SLFN5: variants seen among roughly 807,000 people sequenced by gnomAD.
SLFN5 encodes schlafen family member 5.
A neutral mutation model predicts 48.5 loss-of-function variants in SLFN5; 34 were observed. That is an observed-to-expected ratio of 0.70 (90% CI 0.53 to 0.93). The LOEUF is 0.93. Ranked by LOEUF, SLFN5 falls within the 40% of genes least tolerant of loss-of-function variation. The pLI, the probability that SLFN5 is intolerant of heterozygous loss-of-function variation, is 0.00. For synonymous variants in SLFN5, 387 were observed against 396.2 expected, an observed-to-expected ratio of 0.98 and a Z score of 0.28; for missense variants, 1,006 against 1,071.3, an observed-to-expected ratio of 0.94 and a Z score of 0.85.
chr17:35,272,389 A>T lies in SLFN5; in HGVS notation c.*6501A>T, dbSNP rs767055178. The T allele has an allele frequency of 5.3e-5, 8 of 152,202 alleles. No individual in the cohort carries two copies. The highest frequency in any genetic ancestry group is 7.2e-5 in the African/African-American group (3 of 41,452). The allele number at this position is 152,202 out of a possible 1,614,324, so 9.4% of individuals were successfully genotyped here. A position where few individuals can be genotyped will look rare whatever the true frequency, so the allele number is the denominator to read the frequency against. On this transcript the variant is annotated 3_prime_UTR_variant, in exon 5 of 5. Coordinates refer to ENST00000299977, the MANE Select transcript of SLFN5 (RefSeq NM_144975.4). ...GGGCCATATGCCAGACTAGATACCA[A>T]AATAAATTCCAGGAGGACCAAGTTT...
rs58644233 is a variant in SLFN5, at chr17:35,266,142, A to ATGTGTGTGTGTGTG, written c.*277_*290dup. The ATGTGTGTGTGTGTG allele has an allele frequency of 5.8e-5, 14 of 240,402 alleles. No homozygotes were observed. Among genetic ancestry groups the ATGTGTGTGTGTGTG allele is most frequent in the Admixed American group, 1.0e-4 (2 of 19,126 alleles). 14.9% of individuals were successfully genotyped at this position (240,402 alleles called of 1,614,324 possible). A position where few individuals can be genotyped will look rare whatever the true frequency, so the allele number is the denominator to read the frequency against. ...AATTAGAGGACCGTGAGACTCAGAG[A>ATGTGTGTGTGTGTG]TGTGTGTGTGTGTGTGTGTGTGTGT... On this transcript the variant is annotated 3_prime_UTR_variant, in exon 5 of 5. Transcript: ENST00000299977.
At position 35,273,212 on chromosome 17, in the gene SLFN5, CT is replaced by C. The variant is rs1282147675; in HGVS notation, c.*7325del. On this transcript the variant is annotated 3_prime_UTR_variant, in exon 5 of 5. Coordinates refer to ENST00000299977, the MANE Select transcript of SLFN5 (RefSeq NM_144975.4). ...GAACAAAACAACATGCTGAAAATGT[CT>C]CTTATTCTTTTAGAATCAATATAAG... 3 of 152,122 alleles carry C rather than the reference CT, an allele frequency of 2.0e-5. No homozygotes were observed. The highest frequency in any genetic ancestry group is 7.2e-5 in the African/African-American group (3 of 41,424). 9.4% of individuals were successfully genotyped at this position (152,122 alleles called of 1,614,324 possible). A position where few individuals can be genotyped will look rare whatever the true frequency, so the allele number is the denominator to read the frequency against.
rs770236684 is a variant in SLFN5, at chr17:35,271,842, C to T, written c.*5954C>T. 6.6e-6 allele frequency: 1 copy of T among 152,150 alleles called. No individual in the cohort carries two copies. Among genetic ancestry groups the T allele is most frequent in the Non-Finnish European group, 1.5e-5 (1 of 68,056 alleles). 9.4% of individuals were successfully genotyped at this position (152,150 alleles called of 1,614,324 possible). A position where few individuals can be genotyped will look rare whatever the true frequency, so the allele number is the denominator to read the frequency against. ...TCCAGGAGTTCCAGACCAGCCTGGACAACATGGTGAAATCCCGTCTCTATT... is the reference window on the plus strand; with the variant it reads ...TCCAGGAGTTCCAGACCAGCCTGGATAACATGGTGAAATCCCGTCTCTATT... On this transcript the variant is annotated 3_prime_UTR_variant, in exon 5 of 5. Transcript: ENST00000299977.
intron 1 of SLFN5, among the ~76,000 whole-genome samples, chr17:35,251,663 C>T (rs2092442740): frequency 6.6e-6 from 1 of 150,452 alleles, no homozygotes; most frequent in Non-Finnish European, 1.5e-5. Flanking sequence ...CTCGGCCTCC[C>T]AAAGTGCTGG....
chr17:35,243,400 G>A (rs574964442), intron 1 of SLFN5, among the ~76,000 whole-genome samples: 2 of 152,334 alleles, frequency 1.3e-5, no homozygotes, highest in Admixed American at 6.5e-5. Context: ...AGGAGGGAGA[G>A]GCGCCGACCC....
rs2142713232 is a variant in SLFN5 at position 35,272,599 on chromosome 17, C to T, written c.*6711C>T. ...CAGCATAAAAGGTCAAGAAACAACA[C>T]ACTGGAAAAAGAATTGCAATGAATA... On this transcript the variant is annotated 3_prime_UTR_variant, in exon 5 of 5. Coordinates refer to ENST00000299977, the MANE Select transcript of SLFN5 (RefSeq NM_144975.4). The T allele has an allele frequency of 6.6e-6, 1 of 152,242 alleles. No individual in the cohort carries two copies. Among genetic ancestry groups the T allele is most frequent in the Non-Finnish European group, 1.5e-5 (1 of 68,002 alleles). The allele number at this position is 152,242 out of a possible 1,614,324, so 9.4% of individuals were successfully genotyped here.
Position 35,270,492 on chromosome 17 carries a change from G to A in SLFN5, c.*4604G>A, listed in dbSNP as rs1489101678. The A allele has an allele frequency of 6.6e-6, 1 of 152,250 alleles. No individual in the cohort carries two copies. The highest frequency in any genetic ancestry group is 1.5e-5 in the Non-Finnish European group (1 of 68,066). 9.4% of individuals were successfully genotyped at this position (152,250 alleles called of 1,614,324 possible). A position where few individuals can be genotyped will look rare whatever the true frequency, so the allele number is the denominator to read the frequency against. ...TAGGTAAACCACGGTAATACACTGA[G>A]GCTGGCACCACCACAGGCCAGGACA... On this transcript the variant is annotated 3_prime_UTR_variant, in exon 5 of 5. Transcript: ENST00000299977.
In SLFN5 at chr17:35,272,331, A is replaced by C. The variant is rs796901435; in HGVS notation, c.*6443A>C. The C allele has an allele frequency of 6.6e-6, 1 of 152,188 alleles. No homozygotes were observed. Among genetic ancestry groups the C allele is most frequent in the South Asian group, 2.1e-4 (1 of 4,834 alleles). The allele number at this position is 152,188 out of a possible 1,614,324, so 9.4% of individuals were successfully genotyped here. On this transcript the variant is annotated 3_prime_UTR_variant, in exon 5 of 5. Transcript: ENST00000299977. ...ATGGATTATTCAATATATGATGAAC[A>C]ACTCTGTCACCCAGCTAAAAAAAAT... is the stretch of plus-strand genomic sequence containing the variant.
Position 35,266,117 on chromosome 17 carries a change from A to C in SLFN5, c.*229A>C. 2.0e-6 allele frequency: 1 copy of C among 506,802 alleles called. No individual in the cohort carries two copies. 31.4% of individuals were successfully genotyped at this position (506,802 alleles called of 1,614,324 possible). ...TCCCATGGTAAAAAGGGATATCAGTAATTAGAGGACCGTGAGACTCAGAGA... is the reference window on the plus strand; with the variant it reads ...TCCCATGGTAAAAAGGGATATCAGTCATTAGAGGACCGTGAGACTCAGAGA... On this transcript the variant is annotated 3_prime_UTR_variant, in exon 5 of 5. Coordinates refer to ENST00000299977, the MANE Select transcript of SLFN5 (RefSeq NM_144975.4).
In SLFN5 at chr17:35,265,409, C is replaced by A. The variant is rs753199619; in HGVS notation, c.2197C>A (p.Pro733Thr). The A allele has an allele frequency of 1.2e-6, 2 of 1,614,206 alleles. No homozygotes were observed. The highest frequency in any genetic ancestry group is 4.5e-5 in the East Asian group (2 of 44,884). ...QQVMQEARQN[P>T]PPNLPPGSLV... ...AGTAATGCAGGAAGCCCGACAAAATCCTCCACCTAACCTCCCCCCTGGGTC... is the reference window on the plus strand; with the variant it reads ...AGTAATGCAGGAAGCCCGACAAAATACTCCACCTAACCTCCCCCCTGGGTC... Residue 733 changes from proline (P) to threonine (T), a missense_variant, in exon 5 of 5, where the codon CCT (proline) becomes ACT (threonine). Transcript: ENST00000299977.
intron 1 of SLFN5, among the ~76,000 whole-genome samples, chr17:35,257,323 A>G (rs910862251): frequency 6.6e-6 from 1 of 152,160 alleles, no homozygotes; most frequent in African/African-American, 2.4e-5. Context: ...TTGGGGTCCT[A>G]AAAAGATTAA....
In SLFN5 at chr17:35,265,230, G is replaced by T. The variant is rs748405351; in HGVS notation, c.2018G>T (p.Arg673Met). The change falls in exon 5 of 5, where the codon AGG becomes ATG. Residue 673 changes from arginine (R) to methionine (M), a missense_variant. Arg to Met is a moderately conservative substitution (Grantham distance 91). Transcript: ENST00000299977. ...GCAAAGTTCATCACTCAGACAGCAA[G>T]GGATGGCCCAGGAGTTCTCTGGATC... is the stretch of plus-strand genomic sequence containing the variant. ...GKAKFITQTARDGPGVLWIFL... is the reference protein window; with the variant it reads ...GKAKFITQTAMDGPGVLWIFL... The T allele has an allele frequency of 6.2e-7, 1 of 1,614,212 alleles. No homozygotes were observed. Among genetic ancestry groups the T allele is most frequent in the Non-Finnish European group, 8.5e-7 (1 of 1,180,040 alleles).
Position 35,273,121 on chromosome 17 carries a change from G to A in SLFN5, c.*7233G>A, listed in dbSNP as rs987002501. Reference sequence around the variant, plus strand: ...TATCAGCACATGATAATACTATGAAGCCATAAAAAAGAGAGATCTCTATAT... The same window carrying A: ...TATCAGCACATGATAATACTATGAAACCATAAAAAAGAGAGATCTCTATAT... On this transcript the variant is annotated 3_prime_UTR_variant, in exon 5 of 5. Transcript: ENST00000299977. 6.6e-6 allele frequency: 1 copy of A among 152,116 alleles called. No individual in the cohort carries two copies. Among genetic ancestry groups the A allele is most frequent in the Non-Finnish European group, 1.5e-5 (1 of 68,012 alleles). 9.4% of individuals were successfully genotyped at this position (152,116 alleles called of 1,614,324 possible). A position where few individuals can be genotyped will look rare whatever the true frequency, so the allele number is the denominator to read the frequency against.
intron 1 of SLFN5, among the ~76,000 whole-genome samples, chr17:35,257,945 G>A (rs1490028584): frequency 6.6e-6 from 1 of 152,204 alleles, no homozygotes; most frequent in Non-Finnish European, 1.5e-5. Context: ...GACCACGAAA[G>A]CTTTCTCATT....
chr17:35,255,456 C>T (rs375420535), intron 1 of SLFN5, among the ~76,000 whole-genome samples: 3 of 152,178 alleles, frequency 2.0e-5, no homozygotes, highest in Admixed American at 1.3e-4. Context: ...TGTGTGTATG[C>T]GTGCGCACAT....
chr17:35,253,774 T>C lies in SLFN5; in HGVS notation c.-40-4877T>C, dbSNP rs138232615. Among the ~76,000 whole-genome samples, 464 of 140,834 alleles carry C rather than the reference T, an allele frequency of 3.3e-3. 6 individuals are homozygous for C. Among genetic ancestry groups the C allele is most frequent in the African/African-American group, 0.011 (430 of 37,558 alleles). 92.4% of individuals were successfully genotyped at this position (140,834 alleles called of 152,430 possible). A position where few individuals can be genotyped will look rare whatever the true frequency, so the allele number is the denominator to read the frequency against. ...GTGCAGTGGCATGATCTCAGCTCAC[T>C]GCAATCTCCAGCTCCTGGGCTCAAG... is the stretch of plus-strand genomic sequence containing the variant. On this transcript the variant is annotated intron_variant, in intron 1 of 4. Coordinates refer to ENST00000299977, the MANE Select transcript of SLFN5 (RefSeq NM_144975.4).
chr17:35,244,359 G>C (rs2092425891), intron 1 of SLFN5, among the ~76,000 whole-genome samples: 1 of 152,026 alleles, frequency 6.6e-6, no homozygotes, highest in Non-Finnish European at 1.5e-5. Context: ...AGGGAGGATG[G>C]GGGGAACTTT....
chr17:35,258,579 C>G, intron 1 of SLFN5, 72 bp from the exon 2 acceptor site: 3 of 1,330,538 alleles, frequency 2.3e-6, no homozygotes, highest in Non-Finnish European at 3.1e-6. Context: ...AGTAGGATGG[C>G]CTTAATCTGT....
chr17:35,252,823 A>G (rs1048533756), intron 1 of SLFN5, among the ~76,000 whole-genome samples: 4 of 152,078 alleles, frequency 2.6e-5, no homozygotes, highest in Non-Finnish European at 5.9e-5. Context: ...TTCCTTAGAC[A>G]CAGTAAGGAA....
Sources: allele counts gnomAD v4.1 joint callset (sites outside exome capture counted in the v4.1 genomes callset), GRCh38; gene constraint gnomAD v4.1.1; transcripts MANE v1.5; gene names NCBI Gene and HGNC (gene_info 2026-07-23, HGNC 2026-07-21).